The following SORCS2 variants were observed in gnomAD, a reference collection of about 807,000 sequenced individuals.
SORCS2 encodes the protein sortilin related VPS10 domain containing receptor 2, also known as VPS10 domain-containing receptor SorCS2.
SORCS2 carries 100 observed loss-of-function variants against 141.6 expected under a neutral mutation model. That is an observed-to-expected ratio of 0.71 (90% CI 0.60 to 0.83). The LOEUF (loss-of-function observed/expected upper bound fraction) is 0.83, where lower values mean the gene tolerates loss of function less well. Ranked by LOEUF, SORCS2 falls within the 40% of genes least tolerant of loss-of-function variation. The pLI is 0.00. For missense variants in SORCS2, 1,646 were observed against 1,560.2 expected (o/e 1.05, Z -0.93); for synonymous variants, 789 against 676.9 (o/e 1.17, Z -2.57).
intron 11 of SORCS2, among the ~76,000 whole-genome samples, chr4:7,693,915 C>A (rs936327960): frequency 6.6e-6 from 1 of 152,320 alleles, no homozygotes. Flanking sequence ...CTGAGCCCCA[C>A]CAGTTCTGTG....
chr4:7,708,991 G>A (rs948047266), intron 14 of SORCS2, among the ~76,000 whole-genome samples: 3 of 152,166 alleles, frequency 2.0e-5, no homozygotes, highest in East Asian at 1.9e-4. Flanking sequence ...GCCCAGTCTC[G>A]TGCCCCCGGA....
intron 3 of SORCS2, among the ~76,000 whole-genome samples, chr4:7,635,103 G>C (rs78677744): frequency 0.12 from 18,083 of 152,266 alleles, 1,283 homozygotes; most frequent in East Asian, 0.22. Flanking sequence ...TGCTGATGCT[G>C]GCATCCTCCT....
intron 1 of SORCS2, among the ~76,000 whole-genome samples, chr4:7,247,476 G>A (rs1008641611): frequency 1.3e-5 from 2 of 152,166 alleles, no homozygotes; most frequent in Non-Finnish European, 2.9e-5. Flanking sequence ...GTCAACACTT[G>A]CAGGGTTTTG....
intron 3 of SORCS2, among the ~76,000 whole-genome samples, chr4:7,561,196 AC>A (rs1336304296): frequency 1.1e-4 from 16 of 152,140 alleles, no homozygotes; most frequent in Admixed American, 6.5e-4. Flanking sequence ...CTTTATTCAA[AC>A]CCACTCAGTT....
intron 1 of SORCS2, among the ~76,000 whole-genome samples, chr4:7,338,725 A>C (rs1171700199): frequency 6.6e-6 from 1 of 152,236 alleles, no homozygotes; most frequent in African/African-American, 2.4e-5. Context: ...TTAATTTAAA[A>C]GTATTTTATG....
chr4:7,293,549 C>A (rs1351972209), intron 1 of SORCS2, among the ~76,000 whole-genome samples: 4 of 152,186 alleles, frequency 2.6e-5, no homozygotes, highest in Non-Finnish European at 4.4e-5. Flanking sequence ...AGTTTAAGAT[C>A]TTTTCCCTAG....
chr4:7,729,742 T>TCCTCCCTGCACATCCCAGGG (rs1560118845), intron 23 of SORCS2, 30 bp downstream of exon 23: 1 of 1,601,708 alleles, frequency 6.2e-7, no homozygotes, highest in South Asian at 1.1e-5. Flanking sequence ...CACTCCCAGG[T>TCCTCCCTGCACATCCCAGGG]CCTCCCTGCA....
intron 2 of SORCS2, among the ~76,000 whole-genome samples, chr4:7,497,013 C>T (rs887328000): frequency 1.3e-5 from 2 of 152,222 alleles, no homozygotes; most frequent in African/African-American, 2.4e-5. Context: ...CGCTGACACA[C>T]GTGAGCTAAT....
At chr4:7,421,401 G>A (rs945135453) in intron 2 of SORCS2, among the ~76,000 whole-genome samples, 4 of 152,188 alleles carry the variant, frequency 2.6e-5, no homozygotes, top group African/African-American at 9.7e-5. Context: ...TGGCTTTCGG[G>A]AAGTGACTTT....
Position 7,561,833 on chromosome 4 carries a change from A to G in SORCS2, c.648+30204A>G, listed in dbSNP as rs1257204078. On this transcript the variant is annotated intron_variant, in intron 3 of 26. Coordinates refer to ENST00000507866, the MANE Select transcript of SORCS2 (RefSeq NM_020777.3). ...TATACATCCATTCATCTGCCCATCC[A>G]TCCTTCCATCCATCCATCTACCCAT... 2.0e-5 allele frequency among the ~76,000 whole-genome samples: 3 copies of G among 151,638 alleles called. No homozygotes were observed. In the East Asian group the frequency reaches 5.9e-4, roughly 30 times the overall value.
At chr4:7,369,253 G>T (rs1390818027) in intron 1 of SORCS2, among the ~76,000 whole-genome samples, 1 of 152,234 alleles carries the variant, frequency 6.6e-6, no homozygotes, top group African/African-American at 2.4e-5. Flanking sequence ...GGAGGTTGCA[G>T]TGATCCAAGA....
intron 1 of SORCS2, among the ~76,000 whole-genome samples, chr4:7,326,611 AG>A (rs1221973481): frequency 2.0e-5 from 3 of 151,846 alleles, no homozygotes; most frequent in Non-Finnish European, 4.4e-5. Context: ...CAAGCACCCA[AG>A]GGGTGTGGAG....
rs530353173 is a variant in SORCS2 at position 7,621,373 on chromosome 4, G to T, written c.649-16955G>T. Among the ~76,000 whole-genome samples, 6 of 151,894 alleles carry T rather than the reference G, an allele frequency of 4.0e-5. No individual in the cohort carries two copies. In the South Asian group the frequency reaches 8.3e-4, roughly 21 times the overall value. ...GTCTATGTGTGAGTGTTATGTTTGT[G>T]TGTCTATGTGTGAGTGTTTATGTGT... On this transcript the variant is annotated intron_variant, in intron 3 of 26. Transcript: ENST00000507866.
chr4:7,732,126 G>C (rs1042595511), intron 23 of SORCS2, among the ~76,000 whole-genome samples: 2 of 152,158 alleles, frequency 1.3e-5, no homozygotes, highest in Non-Finnish European at 2.9e-5. Context: ...ATTAAAAAAC[G>C]GGCAAAGGAG....
intron 18 of SORCS2, among the ~76,000 whole-genome samples, chr4:7,722,965 G>A (rs539089887): frequency 6.6e-6 from 1 of 152,254 alleles, no homozygotes; most frequent in Middle Eastern, 3.4e-3. Flanking sequence ...GGGAGGAGAG[G>A]AGGAAGGGAG....
chr4:7,332,236 G>A (rs1018353154), intron 1 of SORCS2, among the ~76,000 whole-genome samples: 1 of 152,214 alleles, frequency 6.6e-6, no homozygotes, highest in Non-Finnish European at 1.5e-5. Flanking sequence ...CAAGGTGACC[G>A]AGAAGTGCCA....
intron 1 of SORCS2, among the ~76,000 whole-genome samples, chr4:7,369,251 C>T (rs531210629): frequency 5.9e-5 from 9 of 152,320 alleles, no homozygotes; most frequent in African/African-American, 2.2e-4. Flanking sequence ...GTGGAGGTTG[C>T]AGTGATCCAA....
intron 4 of SORCS2, among the ~76,000 whole-genome samples, chr4:7,650,059 T>C (rs566826619): frequency 6.6e-6 from 1 of 152,310 alleles, no homozygotes; most frequent in South Asian, 2.1e-4. Flanking sequence ...CCTTCCTTCC[T>C]GGGCCAGTGA....
chr4:7,496,767 G>A (rs557043541), intron 2 of SORCS2, among the ~76,000 whole-genome samples: 3 of 152,220 alleles, frequency 2.0e-5, no homozygotes, highest in South Asian at 4.2e-4. Flanking sequence ...AATCCAAGGC[G>A]CCTTCACCAG....
Sources: allele counts gnomAD v4.1 joint callset (sites outside exome capture counted in the v4.1 genomes callset), GRCh38; gene constraint gnomAD v4.1.1; transcripts MANE v1.5; gene names NCBI Gene and HGNC (gene_info 2026-07-23, HGNC 2026-07-21).